The following ADGRV1 variants were observed in gnomAD, a reference collection of about 807,000 sequenced individuals.
The protein encoded by ADGRV1 is G-protein coupled receptor 98.
ADGRV1 carries 359 observed loss-of-function variants against 596.2 expected under a neutral mutation model. The observed-to-expected ratio is 0.60, with a 90% CI of 0.55 to 0.66. ADGRV1 has a LOEUF of 0.66. Ranked by LOEUF, ADGRV1 falls within the 30% of genes least tolerant of loss-of-function variation. The probability of loss-of-function intolerance (pLI) is 0.00; values close to 1 mark genes in which losing one functional copy is unlikely to be tolerated. For synonymous variants in ADGRV1, 2,681 were observed against 2,679.2 expected, an observed-to-expected ratio of 1.00 and a Z score of -0.02; for missense variants, 7,274 against 7,575.6, an observed-to-expected ratio of 0.96 and a Z score of 1.48.
chr5:91,098,867 C>T (rs1361508058), intron 86 of ADGRV1, among the ~76,000 whole-genome samples: 1 of 150,734 alleles, frequency 6.6e-6, no homozygotes, highest in African/African-American at 2.5e-5. Flanking sequence ...TTGTACTCCG[C>T]CCAGAGCCAT....
At chr5:91,046,416 G>T (rs113390748) in intron 85 of ADGRV1, among the ~76,000 whole-genome samples, 1 of 152,098 alleles carries the variant, frequency 6.6e-6, no homozygotes, top group Admixed American at 6.6e-5. Context: ...AGTGAGGAAA[G>T]ATACCCTATT....
chr5:91,012,868 C>T (rs1373115425), intron 85 of ADGRV1, among the ~76,000 whole-genome samples: 2 of 151,814 alleles, frequency 1.3e-5, no homozygotes, highest in East Asian at 3.9e-4. Flanking sequence ...GTTCCTCTCC[C>T]TCCTCCCACC....
chr5:90,781,167 T>A (rs1477982898), intron 64 of ADGRV1: 6 of 448,652 alleles, frequency 1.3e-5, no homozygotes, highest in Non-Finnish European at 4.1e-6. Context: ...GTTTATTATC[T>A]TCCCATTGCC....
chr5:90,739,375 G>A (rs1035926858), intron 50 of ADGRV1, among the ~76,000 whole-genome samples: 1 of 152,042 alleles, frequency 6.6e-6, no homozygotes, highest in African/African-American at 2.4e-5. Flanking sequence ...AAATCCTTAT[G>A]TTGGCATCTG....
intron 83 of ADGRV1, among the ~76,000 whole-genome samples, chr5:90,913,535 A>C (rs1319536334): frequency 2.0e-5 from 3 of 152,226 alleles, no homozygotes; most frequent in Non-Finnish European, 4.4e-5. Context: ...TCACATTATA[A>C]AATGTCTTTT....
chr5:90,945,338 C>T (rs574274788), intron 83 of ADGRV1, among the ~76,000 whole-genome samples: 6 of 151,984 alleles, frequency 3.9e-5, no homozygotes, highest in African/African-American at 1.2e-4. Context: ...TAGGAGGAGG[C>T]AAGACCACTT....
intron 4 of ADGRV1, among the ~76,000 whole-genome samples, chr5:90,621,286 T>A (rs1490871911): frequency 6.6e-6 from 1 of 152,228 alleles, no homozygotes; most frequent in Non-Finnish European, 1.5e-5. Flanking sequence ...TGTATGTCAT[T>A]TTCTTGGTAC....
At chr5:90,723,418 G>A (rs1751346612) in intron 45 of ADGRV1, among the ~76,000 whole-genome samples, 1 of 152,164 alleles carries the variant, frequency 6.6e-6, no homozygotes, top group Non-Finnish European at 1.5e-5. Flanking sequence ...AAAAAAGAAA[G>A]TCTGGTTTCT....
At chr5:90,838,961 G>A (rs756397185) in intron 77 of ADGRV1, among the ~76,000 whole-genome samples, 3 of 152,116 alleles carry the variant, frequency 2.0e-5, no homozygotes, top group Non-Finnish European at 2.9e-5. Flanking sequence ...TTTCTAGTCT[G>A]AGTATTTCTA....
intron 50 of ADGRV1, among the ~76,000 whole-genome samples, chr5:90,731,802 A>G (rs1752584887): frequency 6.6e-6 from 1 of 152,192 alleles, no homozygotes; most frequent in African/African-American, 2.4e-5. Flanking sequence ...TGTGTAAGAG[A>G]TTAAAACTGA....
chr5:91,012,221 C>T (rs1356970719), intron 85 of ADGRV1, among the ~76,000 whole-genome samples: 1 of 151,960 alleles, frequency 6.6e-6, no homozygotes, highest in African/African-American at 2.4e-5. Flanking sequence ...AACCAGTGTT[C>T]AAGGTCCCTG....
At chr5:91,085,252 A>C (rs1789763733) in intron 86 of ADGRV1, among the ~76,000 whole-genome samples, 1 of 152,154 alleles carries the variant, frequency 6.6e-6, no homozygotes, top group South Asian at 2.1e-4. Flanking sequence ...ATATGTATAC[A>C]CACATATATA....
chr5:91,068,855 C>G (rs146172945), intron 85 of ADGRV1, among the ~76,000 whole-genome samples: 2 of 150,966 alleles, frequency 1.3e-5, no homozygotes, highest in African/African-American at 4.9e-5. Flanking sequence ...GCAAAAAGAA[C>G]GAAGCCAGAG....
At chr5:90,885,548 AG>A (rs1477478345) in intron 83 of ADGRV1, among the ~76,000 whole-genome samples, 1 of 152,178 alleles carries the variant, frequency 6.6e-6, no homozygotes, top group African/African-American at 2.4e-5. Flanking sequence ...ATCAGCATAT[AG>A]TAAGTTTATG....
intron 85 of ADGRV1, among the ~76,000 whole-genome samples, chr5:91,050,629 T>A (rs1189407447): frequency 1.3e-5 from 2 of 152,060 alleles, no homozygotes; most frequent in African/African-American, 4.8e-5. Context: ...GAGGCTGAGG[T>A]AGGAGGATTG....
intron 85 of ADGRV1, among the ~76,000 whole-genome samples, chr5:90,995,056 G>A (rs998452481): frequency 2.6e-5 from 4 of 152,142 alleles, no homozygotes; most frequent in Admixed American, 2.0e-4. Context: ...CATGCACATG[G>A]CATTTTAAAT....
chr5:91,049,948 T>G (rs1407890979), intron 85 of ADGRV1, among the ~76,000 whole-genome samples: 1 of 152,182 alleles, frequency 6.6e-6, no homozygotes, highest in Non-Finnish European at 1.5e-5. Context: ...CTCATAAAAA[T>G]TTACAGACTT....
chr5:91,088,835 G>A (rs1790123853), intron 86 of ADGRV1, among the ~76,000 whole-genome samples: 1 of 152,012 alleles, frequency 6.6e-6, no homozygotes, highest in African/African-American at 2.4e-5. Flanking sequence ...ATGTAATATT[G>A]ACAAGCAAAT....
chr5:90,674,803 G>C (rs1234259484), intron 23 of ADGRV1, among the ~76,000 whole-genome samples: 1 of 152,032 alleles, frequency 6.6e-6, no homozygotes, highest in Non-Finnish European at 1.5e-5. Context: ...TTCACCTTTA[G>C]TTTTCATAGT....
Sources: allele counts gnomAD v4.1 joint callset (sites outside exome capture counted in the v4.1 genomes callset), GRCh38; gene constraint gnomAD v4.1.1; transcripts MANE v1.5; gene names NCBI Gene and HGNC (gene_info 2026-07-23, HGNC 2026-07-21).